Variants in ERBB4 observed in about 807,000 individuals in gnomAD.
The protein encoded by ERBB4 is erb-b2 receptor tyrosine kinase 4, also known as receptor tyrosine-protein kinase erbB-4.
ERBB4 carries 42 observed loss-of-function variants against 158.0 expected under a neutral mutation model. That is an observed-to-expected ratio of 0.27 (90% CI 0.21 to 0.34). The LOEUF is 0.34. Among genes scored for constraint, ERBB4 ranks in the 10% least tolerant of loss-of-function variants. The pLI, the probability that ERBB4 is intolerant of heterozygous loss-of-function variation, is 1.00. For synonymous variants in ERBB4, 583 were observed against 558.7 expected, an observed-to-expected ratio of 1.04 and a Z score of -0.61; for missense variants, 1,333 against 1,624.1, an observed-to-expected ratio of 0.82 and a Z score of 3.08.
intron 1 of ERBB4, among the ~76,000 whole-genome samples, chr2:212,283,279 G>A (rs2888055): frequency 1 from 151,960 of 152,034 alleles, 75,943 homozygotes; most frequent in Non-Finnish European, 1. Flanking sequence ...TTAAAAATCC[G>A]TATGCCCATC....
At chr2:212,123,681 G>A (rs1175938723) in intron 2 of ERBB4, among the ~76,000 whole-genome samples, 1 of 151,700 alleles carries the variant, frequency 6.6e-6, no homozygotes, top group Non-Finnish European at 1.5e-5. Flanking sequence ...TGTTATTTAT[G>A]TTTTGAGGTG....
intron 11 of ERBB4, 68 bp downstream of exon 11, chr2:211,704,036 G>T: frequency 1.1e-6 from 1 of 884,910 alleles, no homozygotes; most frequent in South Asian, 1.3e-5. Context: ...TGATAGTTTT[G>T]ACTTAATGCA....
chr2:211,422,750 C>T (rs1247798405), intron 23 of ERBB4, among the ~76,000 whole-genome samples: 3 of 151,732 alleles, frequency 2.0e-5, no homozygotes, highest in South Asian at 2.1e-4. Flanking sequence ...GTATTAAAAC[C>T]CCGAAAGAAA....
chr2:212,484,093 T>C (rs903253839), intron 1 of ERBB4, among the ~76,000 whole-genome samples: 6 of 152,242 alleles, frequency 3.9e-5, no homozygotes, highest in Admixed American at 3.9e-4. Flanking sequence ...TAATGTTCTT[T>C]TACATTTTTC....
At chr2:212,252,245 T>C (rs1032863317) in intron 1 of ERBB4, among the ~76,000 whole-genome samples, 1 of 151,942 alleles carries the variant, frequency 6.6e-6, no homozygotes, top group African/African-American at 2.4e-5. Flanking sequence ...AGAAAAAAGG[T>C]ATCCTAGAAT....
chr2:212,475,387 G>A (rs1477152711), intron 1 of ERBB4, among the ~76,000 whole-genome samples: 1 of 152,136 alleles, frequency 6.6e-6, no homozygotes, highest in Non-Finnish European at 1.5e-5. Context: ...TGTAAAATAT[G>A]TGTTAGCCTC....
intron 2 of ERBB4, among the ~76,000 whole-genome samples, chr2:211,995,465 T>C (rs765784702): frequency 6.6e-6 from 1 of 152,012 alleles, no homozygotes; most frequent in Non-Finnish European, 1.5e-5. Flanking sequence ...ATAGAGGTGG[T>C]GTCTATGCTG....
chr2:211,459,216 T>C (rs1036672367), intron 20 of ERBB4, among the ~76,000 whole-genome samples: 8 of 152,238 alleles, frequency 5.3e-5, no homozygotes, highest in Non-Finnish European at 1.0e-4. Flanking sequence ...AGATTATTTA[T>C]GTAATTTATA....
chr2:212,293,205 T>G (rs2086273558), intron 1 of ERBB4, among the ~76,000 whole-genome samples: 1 of 151,982 alleles, frequency 6.6e-6, no homozygotes. Context: ...AAGTATTTTT[T>G]TAACTTATGA....
At position 212,370,295 on chromosome 2, in the gene ERBB4, C is replaced by G. The variant is rs182854332; in HGVS notation, c.82+168154G>C. On this transcript the variant is annotated intron_variant, in intron 1 of 27. Coordinates refer to ENST00000342788, the MANE Select transcript of ERBB4 (RefSeq NM_005235.3). Reference sequence around the variant, plus strand: ...TGATTGAAAGTTTCCTGAGGCCTCCCCAGCCATGTGGAACTGTGAGTCAAT... The same window carrying G: ...TGATTGAAAGTTTCCTGAGGCCTCCGCAGCCATGTGGAACTGTGAGTCAAT... Among the ~76,000 whole-genome samples, 5 of 152,246 alleles carry G rather than the reference C, an allele frequency of 3.3e-5. No homozygotes were observed. In the East Asian group the frequency reaches 9.7e-4, roughly 29 times the overall value.
At chr2:211,695,925 G>A (rs953378246) in intron 12 of ERBB4, among the ~76,000 whole-genome samples, 3 of 151,630 alleles carry the variant, frequency 2.0e-5, no homozygotes, top group South Asian at 2.1e-4. Flanking sequence ...TGTATAGCTC[G>A]CTCTTGCTCT....
At chr2:212,268,558 G>A (rs1292296524) in intron 1 of ERBB4, among the ~76,000 whole-genome samples, 1 of 151,838 alleles carries the variant, frequency 6.6e-6, no homozygotes, top group Non-Finnish European at 1.5e-5. Flanking sequence ...ATTCACACAT[G>A]CATTTCATTC....
chr2:211,882,046 G>A (rs2078678609), intron 3 of ERBB4, among the ~76,000 whole-genome samples: 1 of 151,992 alleles, frequency 6.6e-6, no homozygotes, highest in African/African-American at 2.4e-5. Flanking sequence ...AAACCTTCAC[G>A]GGAAAGTCCT....
At chr2:211,963,282 C>T (rs2081229767) in intron 2 of ERBB4, among the ~76,000 whole-genome samples, 1 of 151,876 alleles carries the variant, frequency 6.6e-6, no homozygotes, top group Admixed American at 6.6e-5. Context: ...ACCAGACAGC[C>T]CTTTCTTCCC....
At chr2:211,947,194 T>C (rs1191541639) in intron 3 of ERBB4, among the ~76,000 whole-genome samples, 1 of 152,028 alleles carries the variant, frequency 6.6e-6, no homozygotes, top group Non-Finnish European at 1.5e-5. Context: ...ATTTCCAGAG[T>C]TTACTCCTGT....
intron 1 of ERBB4, among the ~76,000 whole-genome samples, chr2:212,280,005 T>C (rs1449838655): frequency 6.6e-6 from 1 of 151,610 alleles, no homozygotes; most frequent in Non-Finnish European, 1.5e-5. Context: ...TCTAGAATAA[T>C]TTTGATATCT....
intron 19 of ERBB4, among the ~76,000 whole-genome samples, chr2:211,616,496 CA>C (rs2069396859): frequency 6.6e-6 from 1 of 152,076 alleles, no homozygotes; most frequent in Non-Finnish European, 1.5e-5. Context: ...CCCTTAGATT[CA>C]AATTACAAAT....
chr2:212,242,208 C>T lies in ERBB4; in HGVS notation c.83-117305G>A, dbSNP rs957907652. On this transcript the variant is annotated intron_variant, in intron 1 of 27. Coordinates refer to ENST00000342788, the MANE Select transcript of ERBB4 (RefSeq NM_005235.3). ...TTTTTTCCAATTATATTAAGGAAAA[C>T]ATTCCTCTTGTTAAAGAAGAGAAAG... 4.6e-5 allele frequency among the ~76,000 whole-genome samples: 7 copies of T among 151,814 alleles called. No individual in the cohort carries two copies. The South Asian group carries it at 1.2e-3, about 27-fold the overall frequency.
chr2:211,415,406 A>T (rs2063367642), intron 25 of ERBB4, among the ~76,000 whole-genome samples: 1 of 152,108 alleles, frequency 6.6e-6, no homozygotes, highest in South Asian at 2.1e-4. Context: ...GGCGTGAGCC[A>T]CCGCGCCCGG....
Sources: allele counts gnomAD v4.1 joint callset (sites outside exome capture counted in the v4.1 genomes callset), GRCh38; gene constraint gnomAD v4.1.1; transcripts MANE v1.5; gene names NCBI Gene and HGNC (gene_info 2026-07-23, HGNC 2026-07-21).